CATSPER2: variants seen among roughly 807,000 people sequenced by gnomAD.
CATSPER2 encodes the protein cation channel sperm-associated protein 2.
CATSPER2 carries 56 observed loss-of-function variants against 68.8 expected under a neutral mutation model. The observed-to-expected ratio is 0.81, with a 90% CI of 0.66 to 1.02. The LOEUF is 1.02. Among genes scored for constraint, CATSPER2 ranks in the 50% least tolerant of loss-of-function variants. The probability of loss-of-function intolerance (pLI) is 0.00; values close to 1 mark genes in which losing one functional copy is unlikely to be tolerated. For missense variants in CATSPER2, 582 were observed against 642.0 expected (o/e 0.91, Z 1.01); for synonymous variants, 198 against 229.9 (o/e 0.86, Z 1.26).
rs544833343 is a variant in CATSPER2, at chr15:43,647,572, T to C, written c.146-105A>G. 4.2e-4 allele frequency: 434 copies of C among 1,035,664 alleles called. 4 individuals are homozygous for C. The highest frequency in any genetic ancestry group is 6.2e-4 in the Non-Finnish European group (407 of 657,562). 64.2% of individuals were successfully genotyped at this position (1,035,664 alleles called of 1,614,324 possible). A position where few individuals can be genotyped will look rare whatever the true frequency, so the allele number is the denominator to read the frequency against. ...CAGGTAATGGGTTCCCCTAATGCCTTACTGCTAGTCCTTCTCTTCTCACAG... is the reference window on the plus strand; with the variant it reads ...CAGGTAATGGGTTCCCCTAATGCCTCACTGCTAGTCCTTCTCTTCTCACAG... On this transcript the variant is annotated intron_variant, in intron 2 of 12. Coordinates refer to ENST00000396879, the MANE Select transcript of CATSPER2 (RefSeq NM_172095.4).
chr15:43,635,775 C>T lies in CATSPER2; in HGVS notation c.1073G>A (p.Arg358Gln), dbSNP rs148320269. 7.5e-3 allele frequency: 12,063 copies of T among 1,613,554 alleles called. 213 individuals are homozygous for T. Among genetic ancestry groups the T allele is most frequent in the South Asian group, 0.014 (1,311 of 91,026 alleles). The change falls in exon 9 of 13, where the codon CGG becomes CAG. Residue 358 changes from arginine (R) to glutamine (Q), a missense_variant. By Grantham distance (43) the Arg-to-Gln change is conservative. Transcript: ENST00000396879. ...RKELNEEMAR[R>Q]EVQLKADMFK... ...CATGTCAGCTTTGAGCTGAACCTCC[C>T]GACGCGCCATCTCCTCATTCAGCTC...
chr15:43,642,379 A>G (rs545687150), intron 4 of CATSPER2: 1 of 151,062 alleles, frequency 6.6e-6, no homozygotes, highest in East Asian at 1.9e-4. Flanking sequence ...GCATTTTACA[A>G]CCAGCGATGT....
intron 12 of CATSPER2, among the ~76,000 whole-genome samples, chr15:43,631,162 T>C (rs1438428655): frequency 6.6e-6 from 1 of 152,010 alleles, no homozygotes; most frequent in Admixed American, 6.6e-5. Flanking sequence ...ACTGAGTTGA[T>C]TTCAACTAGG....
At position 43,633,341 on chromosome 15, in the gene CATSPER2, T is replaced by C. The variant is rs34899979; in HGVS notation, c.1179-407A>G. The stretch of plus-strand genomic sequence containing the variant: ...TTAAACGTAAGTCACTTCATGTCAC[T>C]CCTCTGTTCTGCTTGCCATTTCAAA... On this transcript the variant is annotated intron_variant, in intron 10 of 12. Coordinates refer to ENST00000396879, the MANE Select transcript of CATSPER2 (RefSeq NM_172095.4). 82 of 260,474 alleles carry C rather than the reference T, an allele frequency of 3.1e-4. No individual in the cohort carries two copies. In the East Asian group the frequency reaches 4.6e-3, roughly 15 times the overall value. The allele number at this position is 260,474 out of a possible 1,614,324, so 16.1% of individuals were successfully genotyped here.
Position 43,636,353 on chromosome 15 carries a change from T to G in CATSPER2, c.843-134A>C. On this transcript the variant is annotated intron_variant, in intron 7 of 12. Coordinates refer to ENST00000396879, the MANE Select transcript of CATSPER2 (RefSeq NM_172095.4). ...GATTTTGGCTCCTTTTCTACCATAC[T>G]CAGTTTTTAGCTAATCATTCTATAG... The G allele has an allele frequency of 2.4e-6, 3 of 1,243,138 alleles. No individual in the cohort carries two copies. In the South Asian group the frequency reaches 4.0e-5, roughly 16 times the overall value. 77.0% of individuals were successfully genotyped at this position (1,243,138 alleles called of 1,614,324 possible).
Position 43,647,050 on chromosome 15 carries a change from C to CAAATAA in CATSPER2, c.387_388insTTATTT (p.Ile129_Glu130insLeuPhe). 1 of 1,610,766 alleles carries CAAATAA rather than the reference C, an allele frequency of 6.2e-7. No individual in the cohort carries two copies. The highest frequency in any genetic ancestry group is 1.1e-5 in the South Asian group (1 of 90,990). ...TCTTTCATACAAGGTCAGTTCTCAC[C>CAAATAA]TATTTCAACCATCAATATGATCGTA... On this transcript the variant is annotated inframe_insertion and splice_region_variant, in exon 4 of 13. Coordinates refer to ENST00000396879, the MANE Select transcript of CATSPER2 (RefSeq NM_172095.4).
Position 43,647,918 on chromosome 15 carries a change from A to T in CATSPER2, c.144T>A (p.Leu48=). The T allele has an allele frequency of 6.2e-7, 1 of 1,613,482 alleles. No homozygotes were observed. The highest frequency in any genetic ancestry group is 8.5e-7 in the Non-Finnish European group (1 of 1,179,590). ...AVPRHTIREL[L]DPSRQKKLVL... is the part of the protein sequence containing the mutation. ...TTAGTGAAGAAATAGGCTGCTGACC[A>T]AGTAACTCCCTGATAGTGTGCCGCG... Residue 48 remains leucine (L), a splice_region_variant and synonymous_variant, in exon 2 of 13, where the codon CTT becomes CTA. Coordinates refer to ENST00000396879, the MANE Select transcript of CATSPER2 (RefSeq NM_172095.4).
rs1331421572 is a variant in CATSPER2, at chr15:43,633,288, A to G, written c.1179-354T>C. 1.8e-5 allele frequency: 6 copies of G among 331,498 alleles called. No homozygotes were observed. The Admixed American group carries it at 2.7e-4, about 15-fold the overall frequency. The allele number at this position is 331,498 out of a possible 1,614,324, so 20.5% of individuals were successfully genotyped here. On this transcript the variant is annotated intron_variant, in intron 10 of 12. Coordinates refer to ENST00000396879, the MANE Select transcript of CATSPER2 (RefSeq NM_172095.4). ...TCTCTACTCCTTCCCTTGTTCTTCTATCAACACAGCAACCAGAGTAATCCT... is the reference window on the plus strand; with the variant it reads ...TCTCTACTCCTTCCCTTGTTCTTCTGTCAACACAGCAACCAGAGTAATCCT...
rs1354288133 is a variant in CATSPER2 at position 43,638,286 on chromosome 15, C to CTTTCT, written c.842+617_842+618insAGAAA. Among the ~76,000 whole-genome samples, 773 of 81,842 alleles carry CTTTCT rather than the reference C, an allele frequency of 9.4e-3. 53 individuals are homozygous for CTTTCT. Among genetic ancestry groups the CTTTCT allele is most frequent in the African/African-American group, 0.054 (715 of 13,274 alleles). The allele number at this position is 81,842 out of a possible 152,430, so 53.7% of individuals were successfully genotyped here. A position where few individuals can be genotyped will look rare whatever the true frequency, so the allele number is the denominator to read the frequency against. On this transcript the variant is annotated intron_variant, in intron 7 of 12. Transcript: ENST00000396879. ...ATTTTTCTTTTCTTTTTCTTTCTTT[C>CTTTCT]TTTTTTTTTTTTTTTTTTTTTGAGA...
chr15:43,644,700 T>C (rs1053867908), intron 4 of CATSPER2, among the ~76,000 whole-genome samples: 2 of 151,984 alleles, frequency 1.3e-5, no homozygotes, highest in African/African-American at 4.8e-5. Flanking sequence ...ATCTAATGCC[T>C]GATGATCTGA....
chr15:43,633,795 AT>A (rs1205609435), intron 10 of CATSPER2: 3 of 151,660 alleles, frequency 2.0e-5, no homozygotes, highest in South Asian at 2.1e-4. Flanking sequence ...ATACAAAAAA[AT>A]AAATAAATAA....
intron 5 of CATSPER2, 153 bp from the exon 6 acceptor site, chr15:43,639,951 A>C (rs2086043527): frequency 6.5e-7 from 1 of 1,531,458 alleles, no homozygotes; most frequent in East Asian, 2.4e-5. Flanking sequence ...TTTCTATATT[A>C]AGTTGCTTAA....
rs1193853879 is a variant in CATSPER2, at chr15:43,647,050, C to G, written c.388G>C (p.Glu130Gln). ...LNTIILMVEI[E>Q]LLESTNTKLW... is the part of the protein sequence containing the mutation. The stretch of plus-strand genomic sequence containing the variant: ...TCTTTCATACAAGGTCAGTTCTCAC[C>G]TATTTCAACCATCAATATGATCGTA... Residue 130 changes from glutamate (E) to glutamine (Q), a missense_variant and splice_region_variant, in exon 4 of 13, where the codon GAA (glutamate) becomes CAA (glutamine). Physicochemically the swap from Glu to Gln is conservative, Grantham distance 29 (BLOSUM62 2). Coordinates refer to ENST00000396879, the MANE Select transcript of CATSPER2 (RefSeq NM_172095.4). 11 of 1,610,648 alleles carry G rather than the reference C, an allele frequency of 6.8e-6. No individual in the cohort carries two copies. Among genetic ancestry groups the G allele is most frequent in the East Asian group, 2.2e-5 (1 of 44,864 alleles).
chr15:43,639,612 C>G, intron 6 of CATSPER2, 31 bp downstream of exon 6: 1 of 1,611,792 alleles, frequency 6.2e-7, no homozygotes, highest in African/African-American at 1.3e-5. Context: ...TCTACCTTGC[C>G]CCCTGCTTTA....
rs368716853 is a variant in CATSPER2 at position 43,638,882 on chromosome 15, A to T, written c.842+22T>A. 3 of 1,612,102 alleles carry T rather than the reference A, an allele frequency of 1.9e-6. No homozygotes were observed. In the African/African-American group the frequency reaches 4.0e-5, roughly 22 times the overall value. The stretch of plus-strand genomic sequence containing the variant: ...TTAGCCAAATTTTCTCCCCTCACCC[A>T]GCTGTCCCCAGCTCTGCTTACGAGA... On this transcript the variant is annotated intron_variant, in intron 7 of 12. Coordinates refer to ENST00000396879, the MANE Select transcript of CATSPER2 (RefSeq NM_172095.4).
rs756767728 is a variant in CATSPER2 at position 43,631,613 on chromosome 15, T to G, written c.1561+586A>C. 53 of 281,730 alleles carry G rather than the reference T, an allele frequency of 1.9e-4. 1 individual carries two copies. Among genetic ancestry groups the G allele is most frequent in the Non-Finnish European group, 3.6e-4 (47 of 129,170 alleles). 17.5% of individuals were successfully genotyped at this position (281,730 alleles called of 1,614,324 possible). On this transcript the variant is annotated intron_variant, in intron 12 of 12. Transcript: ENST00000396879. ...TTTAGGAAAAATAACTTTGAATAGA[T>G]AGTTCCCAGTTTACATCAAACTCTA...
At chr15:43,639,912 A>G in intron 5 of CATSPER2, 114 bp from the exon 6 acceptor site, 7 of 1,596,030 alleles carry the variant, frequency 4.4e-6, no homozygotes, top group Non-Finnish European at 5.1e-6. Context: ...CTTGAATAGC[A>G]TTCTCTGAGA....
intron 1 of CATSPER2, 71 bp from the exon 2 acceptor site, chr15:43,648,134 T>A: frequency 6.5e-7 from 1 of 1,534,058 alleles, no homozygotes; most frequent in South Asian, 1.1e-5. Context: ...AGGTTTTCTG[T>A]CCCCTCCTCC....
chr15:43,641,485 T>C (rs1404601394), intron 4 of CATSPER2, among the ~76,000 whole-genome samples: 1 of 150,870 alleles, frequency 6.6e-6, no homozygotes, highest in African/African-American at 2.5e-5. Context: ...ATCTCTTTTA[T>C]ACAATGAATG....
Sources: gnomAD v4.1 joint callset for allele counts (sites outside exome capture counted in the v4.1 genomes callset) on GRCh38, gnomAD v4.1.1 for gene constraint, MANE v1.5 for transcripts, NCBI Gene and HGNC (gene_info 2026-07-23, HGNC 2026-07-21) for gene names.